The following NINL variants were observed in gnomAD, a reference collection of about 807,000 sequenced individuals.
NINL encodes the protein ninein-like protein.
NINL carries 153 observed loss-of-function variants against 160.3 expected under a neutral mutation model. The observed-to-expected ratio is 0.95, with a 90% CI of 0.84 to 1.09. The LOEUF is 1.09. Ranked by LOEUF, NINL falls within the 50% of genes least tolerant of loss-of-function variation. The pLI, the probability that NINL is intolerant of heterozygous loss-of-function variation, is 0.00. For synonymous variants in NINL, 800 were observed against 734.8 expected (o/e 1.09, Z -1.43); for missense variants, 1,829 against 1,764.0 (o/e 1.04, Z -0.66).
At chr20:25,457,345 AAAAAT>A (rs1401279690) in intron 22 of NINL, among the ~76,000 whole-genome samples, 1 of 149,364 alleles carries the variant, frequency 6.7e-6, no homozygotes, top group African/African-American at 2.5e-5. Flanking sequence ...AAAACAAAAC[AAAAAT>A]ATGTTCTGGC....
At chr20:25,467,489 C>T (rs952583944) in intron 18 of NINL, 31 bp from the exon 19 acceptor site, 1 of 1,540,440 alleles carries the variant, frequency 6.5e-7, no homozygotes, top group African/African-American at 1.4e-5. Context: ...ACAGTGATAC[C>T]ACTTGTGACC....
In NINL at chr20:25,479,138, C is replaced by T; in HGVS notation, c.1986G>A (p.Glu662=). ...CGCTGACCTCGCGCCTGCGAGCCTGCTCCATGTCCTTCCTCTCCTTCTCAA... is the reference window on the plus strand; with the variant it reads ...CGCTGACCTCGCGCCTGCGAGCCTGTTCCATGTCCTTCCTCTCCTTCTCAA... ...RNFEKERKDM[E]QARRREVSVL... Residue 662 remains glutamate, a synonymous_variant, in exon 16 of 24, where the codon GAG becomes GAA. Coordinates refer to ENST00000278886, the MANE Select transcript of NINL (RefSeq NM_025176.6). 6.2e-7 allele frequency: 1 copy of T among 1,613,962 alleles called. No homozygotes were observed. The highest frequency in any genetic ancestry group is 8.5e-7 in the Non-Finnish European group (1 of 1,180,000).
chr20:25,522,203 A>C (rs1008859413), intron 2 of NINL, among the ~76,000 whole-genome samples: 11 of 152,172 alleles, frequency 7.2e-5, no homozygotes, highest in African/African-American at 2.7e-4. Flanking sequence ...CCACCATGCC[A>C]AGCCTATCGC....
intron 6 of NINL, among the ~76,000 whole-genome samples, chr20:25,504,352 C>T (rs2063923184): frequency 6.6e-6 from 1 of 152,230 alleles, no homozygotes. Context: ...CCTGAACTTC[C>T]CAGTTCTACA....
At chr20:25,577,208 C>T (rs1482151916) in intron 1 of NINL, among the ~76,000 whole-genome samples, 7 of 152,206 alleles carry the variant, frequency 4.6e-5, no homozygotes, top group Admixed American at 1.3e-4. Context: ...GGCTGCAGCC[C>T]GCCCTCTGGA....
chr20:25,473,405 C>T (rs2063151321), intron 17 of NINL, among the ~76,000 whole-genome samples: 1 of 150,618 alleles, frequency 6.6e-6, no homozygotes, highest in Admixed American at 6.6e-5. Flanking sequence ...CGCTTGAGGC[C>T]AGGAGTTTGA....
At position 25,489,303 on chromosome 20, in the gene NINL, G is replaced by A; in HGVS notation, c.1618C>T (p.Leu540Phe). The change falls in exon 13 of 24, where the codon CTC (leucine) becomes TTC (phenylalanine). Residue 540 changes from leucine to phenylalanine, a missense_variant. By Grantham distance (22) the Leu-to-Phe change is conservative (BLOSUM62 0). Coordinates refer to ENST00000278886, the MANE Select transcript of NINL (RefSeq NM_025176.6). ...KDKLEPQSAE[L>F]LAQEERFAAV... is the part of the protein sequence containing the mutation. The stretch of plus-strand genomic sequence containing the variant: ...GCGAACCGCTCCTCCTGGGCCAGGA[G>A]CTCTGCACTCTGTGGCTCCAGCTGA... 1 of 1,614,050 alleles carries A rather than the reference G, an allele frequency of 6.2e-7. No individual in the cohort carries two copies. Among genetic ancestry groups the A allele is most frequent in the Non-Finnish European group, 8.5e-7 (1 of 1,180,008 alleles).
chr20:25,490,755 C>T (rs2063613543), intron 11 of NINL, among the ~76,000 whole-genome samples: 1 of 152,004 alleles, frequency 6.6e-6, no homozygotes, highest in Admixed American at 6.5e-5. Context: ...GGGTGGAGAG[C>T]AAGGCTGTTG....
chr20:25,484,821 G>A (rs1024371024), intron 13 of NINL, among the ~76,000 whole-genome samples: 3 of 152,238 alleles, frequency 2.0e-5, no homozygotes, highest in Non-Finnish European at 4.4e-5. Context: ...GATGAAGGCA[G>A]TATATTTGCA....
At chr20:25,557,576 A>C (rs1202781034) in intron 1 of NINL, among the ~76,000 whole-genome samples, 2 of 152,106 alleles carry the variant, frequency 1.3e-5, no homozygotes, top group Non-Finnish European at 2.9e-5. Context: ...TTAATTACCA[A>C]AGATAGAAGG....
chr20:25,561,649 C>T (rs1340716711), intron 1 of NINL, among the ~76,000 whole-genome samples: 3 of 150,680 alleles, frequency 2.0e-5, no homozygotes, highest in Non-Finnish European at 4.4e-5. Flanking sequence ...CCCAGCCGCC[C>T]ATCGTCTGAG....
intron 22 of NINL, among the ~76,000 whole-genome samples, chr20:25,456,140 G>C (rs1214484780): frequency 6.6e-6 from 1 of 150,696 alleles, no homozygotes; most frequent in Non-Finnish European, 1.5e-5. Flanking sequence ...CTACTTGGGA[G>C]GCTGAGGCAG....
At chr20:25,457,726 T>C (rs1279402857) in intron 22 of NINL, among the ~76,000 whole-genome samples, 1 of 152,214 alleles carries the variant, frequency 6.6e-6, no homozygotes, top group African/African-American at 2.4e-5. Context: ...TGAACTATGT[T>C]GGGAATTTCA....
intron 1 of NINL, among the ~76,000 whole-genome samples, chr20:25,535,884 A>T (rs570667620): frequency 1.3e-5 from 2 of 152,306 alleles, no homozygotes; most frequent in East Asian, 3.9e-4. Flanking sequence ...GGGAAAGGGG[A>T]AATGATTAGA....
intron 2 of NINL, among the ~76,000 whole-genome samples, chr20:25,521,306 T>G (rs955927703): frequency 6.6e-6 from 1 of 152,242 alleles, no homozygotes; most frequent in Non-Finnish European, 1.5e-5. Context: ...GATTTGTTAC[T>G]TCACTTTTCA....
At chr20:25,501,128 T>C (rs1184812566) in intron 7 of NINL, 118 bp from the exon 8 acceptor site, 4 of 1,321,832 alleles carry the variant, frequency 3.0e-6, no homozygotes, top group South Asian at 1.5e-5. Flanking sequence ...GAACAGCTCA[T>C]GAGACCATCC....
At chr20:25,519,738 C>T (rs181926406) in intron 2 of NINL, among the ~76,000 whole-genome samples, 11 of 152,002 alleles carry the variant, frequency 7.2e-5, no homozygotes, top group Non-Finnish European at 1.0e-4. Flanking sequence ...AGAGAATGGC[C>T]GGGTGCGGTG....
intron 1 of NINL, among the ~76,000 whole-genome samples, chr20:25,555,320 G>A (rs2064853595): frequency 6.6e-6 from 1 of 152,114 alleles, no homozygotes; most frequent in South Asian, 2.1e-4. Flanking sequence ...CACCTGCCGA[G>A]GCTCCTACAT....
rs751019836 is a variant in NINL, at chr20:25,476,725, G to A, written c.2566C>T (p.Arg856Trp). ...LLPLRPGCGE[R>W]PLAWLAPGDG... is the part of the protein sequence containing the mutation. ...CCTGGGGCCAGCCAGGCCAGTGGCCGCTCCCCACAGCCCGGACGCAGTGGT... is the reference window on the plus strand; with the variant it reads ...CCTGGGGCCAGCCAGGCCAGTGGCCACTCCCCACAGCCCGGACGCAGTGGT... The change falls in exon 17 of 24, where the codon CGG (arginine) becomes TGG (tryptophan). Residue 856 changes from arginine (R) to tryptophan (W), a missense_variant. Physicochemically the swap from Arg to Trp is moderately radical, Grantham distance 101. Transcript: ENST00000278886. 17 of 1,602,630 alleles carry A rather than the reference G, an allele frequency of 1.1e-5. No individual in the cohort carries two copies. Among genetic ancestry groups the A allele is most frequent in the South Asian group, 2.2e-5 (2 of 90,490 alleles).
Sources: allele counts gnomAD v4.1 joint callset (sites outside exome capture counted in the v4.1 genomes callset), GRCh38; gene constraint gnomAD v4.1.1; transcripts MANE v1.5; gene names NCBI Gene and HGNC (gene_info 2026-07-23, HGNC 2026-07-21).